FBXO11: variants seen among roughly 807,000 people sequenced by gnomAD.
FBXO11 encodes F-box only protein 11.
In FBXO11, 13 loss-of-function variants were observed where a neutral mutation model predicts 117.0. The observed-to-expected ratio is 0.11, with a 90% CI of 0.07 to 0.18. The LOEUF (loss-of-function observed/expected upper bound fraction) is 0.18. Among genes scored for constraint, FBXO11 ranks in the 10% least tolerant of loss-of-function variants. The pLI, the probability that FBXO11 is intolerant of heterozygous loss-of-function variation, is 1.00. For synonymous variants in FBXO11, 490 were observed against 380.5 expected (o/e 1.29, Z -3.35); for missense variants, 767 against 1,164.4 (o/e 0.66, Z 4.97).
intron 1 of FBXO11, among the ~76,000 whole-genome samples, chr2:47,894,887 CCT>C (rs946869048): frequency 3.9e-5 from 6 of 152,088 alleles, no homozygotes; most frequent in Non-Finnish European, 7.4e-5. Context: ...GCAGTCTCCT[CCT>C]CTGTTTTTTG....
At chr2:47,880,695 T>C (rs1276685026) in intron 1 of FBXO11, among the ~76,000 whole-genome samples, 2 of 152,230 alleles carry the variant, frequency 1.3e-5, no homozygotes, top group African/African-American at 4.8e-5. Context: ...TAAATTTTCA[T>C]TGTATCCTTT....
intron 1 of FBXO11, among the ~76,000 whole-genome samples, chr2:47,899,691 C>G (rs1677953180): frequency 6.6e-6 from 1 of 152,090 alleles, no homozygotes; most frequent in East Asian, 1.9e-4. Context: ...AGGGTAGCAA[C>G]TACAATTTGG....
intron 14 of FBXO11, among the ~76,000 whole-genome samples, chr2:47,819,444 G>A (rs1007586120): frequency 1.3e-5 from 2 of 152,148 alleles, no homozygotes; most frequent in Admixed American, 6.5e-5. Flanking sequence ...TTGAACTCCT[G>A]ACCTCGTGAT....
chr2:47,857,028 T>C (rs1246524734), intron 1 of FBXO11, among the ~76,000 whole-genome samples: 1 of 152,198 alleles, frequency 6.6e-6, no homozygotes, highest in African/African-American at 2.4e-5. Flanking sequence ...TGGGATAAAC[T>C]CTGAGCAGCC....
intron 16 of FBXO11, among the ~76,000 whole-genome samples, chr2:47,817,713 T>C (rs571400792): frequency 6.6e-6 from 1 of 152,204 alleles, no homozygotes; most frequent in Non-Finnish European, 1.5e-5. Flanking sequence ...TCTCAGGCAA[T>C]AGGGAAGCCT....
At chr2:47,819,109 T>A (rs1309738659) in intron 14 of FBXO11, 31 bp from the exon 15 acceptor site, 11 of 1,605,814 alleles carry the variant, frequency 6.9e-6, no homozygotes, top group Middle Eastern at 3.3e-4. Flanking sequence ...TTATAATATT[T>A]ATCTTCTATA....
chr2:47,858,681 C>CAAAAAAAAAAA (rs902232765), intron 1 of FBXO11, among the ~76,000 whole-genome samples: 15 of 67,466 alleles, frequency 2.2e-4, no homozygotes, highest in East Asian at 4.5e-4. Context: ...GACTCTGCCT[C>CAAAAAAAAAAA]AAAAAAAAAA....
intron 1 of FBXO11, among the ~76,000 whole-genome samples, chr2:47,879,993 A>C (rs1386203695): frequency 6.6e-6 from 1 of 151,458 alleles, no homozygotes; most frequent in African/African-American, 2.4e-5. Context: ...TTATCCATTC[A>C]GAGAAGGTTT....
chr2:47,816,204 G>C (rs532005142), intron 16 of FBXO11, among the ~76,000 whole-genome samples: 2 of 152,110 alleles, frequency 1.3e-5, no homozygotes, highest in East Asian at 1.9e-4. Flanking sequence ...TTTTGAGACA[G>C]GGTCTCACTC....
intron 1 of FBXO11, among the ~76,000 whole-genome samples, chr2:47,904,917 T>C (rs1018003169): frequency 6.6e-6 from 1 of 151,558 alleles, no homozygotes; most frequent in South Asian, 2.1e-4. Context: ...CCCTACCCCG[T>C]GACCAGGGAC....
Position 47,813,485 on chromosome 2 carries a change from G to A in FBXO11, c.2084-108C>T, listed in dbSNP as rs1670778459. 2.5e-5 allele frequency: 19 copies of A among 749,252 alleles called. No homozygotes were observed. In the South Asian group the frequency reaches 4.2e-4, roughly 16 times the overall value. 46.4% of individuals were successfully genotyped at this position (749,252 alleles called of 1,614,324 possible). On this transcript the variant is annotated intron_variant, in intron 17 of 22. Coordinates refer to ENST00000403359, the MANE Select transcript of FBXO11 (RefSeq NM_001190274.2). The stretch of plus-strand genomic sequence containing the variant: ...TCGCTCTGTTGCCAGGCTGGAGTGT[G>A]CAGTGGCGCGATCTTGGCTCACTGC...
chr2:47,827,701 A>AT (rs34598751), intron 11 of FBXO11, among the ~76,000 whole-genome samples: 5,612 of 136,510 alleles, frequency 0.041, 114 homozygotes, highest in East Asian at 0.12. Context: ...AAGAAATTAG[A>AT]TTTTTTTTTT....
chr2:47,839,343 A>T, intron 3 of FBXO11, 76 bp downstream of exon 3: 1 of 1,353,062 alleles, frequency 7.4e-7, no homozygotes, highest in Non-Finnish European at 1.0e-6. Flanking sequence ...GAATACACTT[A>T]ATTTTCATTT....
intron 1 of FBXO11, among the ~76,000 whole-genome samples, chr2:47,870,660 G>T (rs938560448): frequency 2.0e-5 from 3 of 152,168 alleles, no homozygotes; most frequent in African/African-American, 7.2e-5. Flanking sequence ...TGGTGCTGCT[G>T]CTACTTTGAT....
intron 1 of FBXO11, among the ~76,000 whole-genome samples, chr2:47,844,112 T>C (rs575367752): frequency 6.6e-6 from 1 of 152,346 alleles, no homozygotes; most frequent in South Asian, 2.1e-4. Flanking sequence ...ATCTGTCTAA[T>C]CTGTAATTTA....
At chr2:47,838,216 G>C (rs1006119944) in intron 4 of FBXO11, among the ~76,000 whole-genome samples, 2 of 152,208 alleles carry the variant, frequency 1.3e-5, no homozygotes, top group Admixed American at 6.5e-5. Flanking sequence ...CTGGGTGACA[G>C]AGCAAGACCC....
chr2:47,896,432 T>C (rs919220381), intron 1 of FBXO11, among the ~76,000 whole-genome samples: 1 of 152,034 alleles, frequency 6.6e-6, no homozygotes, highest in Non-Finnish European at 1.5e-5. Context: ...CTGGCTCAGA[T>C]GATCCTCTCA....
chr2:47,851,264 T>C (rs1382560748), intron 1 of FBXO11, among the ~76,000 whole-genome samples: 1 of 152,206 alleles, frequency 6.6e-6, no homozygotes, highest in Non-Finnish European at 1.5e-5. Context: ...TCTCATTCTG[T>C]TGCACAGGCT....
intron 1 of FBXO11, among the ~76,000 whole-genome samples, chr2:47,841,842 T>G (rs1013465215): frequency 2.6e-5 from 4 of 151,898 alleles, no homozygotes; most frequent in African/African-American, 9.7e-5. Flanking sequence ...GGTTTCACCA[T>G]GTTGGCCAGG....
Sources: gnomAD v4.1 joint callset for allele counts (sites outside exome capture counted in the v4.1 genomes callset) on GRCh38, gnomAD v4.1.1 for gene constraint, MANE v1.5 for transcripts, NCBI Gene and HGNC (gene_info 2026-07-23, HGNC 2026-07-21) for gene names.